TACR1: variants seen among roughly 807,000 people sequenced by gnomAD.
TACR1 encodes the protein tachykinin receptor 1.
Under a neutral mutation model 35.8 loss-of-function variants are expected in TACR1, and 25 were observed. The observed-to-expected ratio is 0.70, with a 90% confidence interval of 0.51 to 0.98. TACR1 has a LOEUF of 0.98. Among genes scored for constraint, TACR1 ranks in the 50% least tolerant of loss-of-function variants. The probability of loss-of-function intolerance (pLI) is 0.00; values close to 1 mark genes in which losing one functional copy is unlikely to be tolerated. For synonymous variants in TACR1, 195 were observed against 206.7 expected (o/e 0.94, Z 0.48); for missense variants, 478 against 522.9 (o/e 0.91, Z 0.84).
intron 2 of TACR1, among the ~76,000 whole-genome samples, chr2:75,115,443 G>T (rs567619857): frequency 6.6e-6 from 1 of 152,126 alleles, no homozygotes; most frequent in East Asian, 1.9e-4. Context: ...AAATTAAGAT[G>T]ATATAGTCTA....
At chr2:75,086,121 G>C (rs1439546302) in intron 2 of TACR1, among the ~76,000 whole-genome samples, 6 of 152,234 alleles carry the variant, frequency 3.9e-5, no homozygotes, top group African/African-American at 1.4e-4. Flanking sequence ...TGTTTGGGTT[G>C]AGGAGAGAGA....
In TACR1 at chr2:75,049,391, T is replaced by A. The variant is rs1672422397; in HGVS notation, c.*41A>T. 1 of 1,581,186 alleles carries A rather than the reference T, an allele frequency of 6.3e-7. No individual in the cohort carries two copies. Among genetic ancestry groups the A allele is most frequent in the African/African-American group, 1.3e-5 (1 of 74,144 alleles). ...ATTTCCATGCATGAAGGGAGGCAGG[T>A]CAAAGGCAGTGGGGGCTGCACCTGC... On this transcript the variant is annotated 3_prime_UTR_variant, in exon 5 of 5. Transcript: ENST00000305249.
Position 75,049,458 on chromosome 2 carries a change from T to G in TACR1, c.1198A>C (p.Ser400Arg). 2.5e-6 allele frequency: 4 copies of G among 1,613,932 alleles called. No homozygotes were observed. The highest frequency in any genetic ancestry group is 2.5e-6 in the Non-Finnish European group (3 of 1,179,812). ...TAGGAGAGCACATTGGAGGAGAAGC[T>G]GAAGCTCTCTGTCATGGTCTTGGAG... is the stretch of plus-strand genomic sequence containing the variant. Reference protein sequence around the residue: ...SDSKTMTESFSFSSNVLS With the variant: ...SDSKTMTESFRFSSNVLS Residue 400 changes from serine (S) to arginine (R), a missense_variant, in exon 5 of 5, where the codon AGC (serine) becomes CGC (arginine). Coordinates refer to ENST00000305249, the MANE Select transcript of TACR1 (RefSeq NM_001058.4).
At chr2:75,185,033 A>T (rs1212836522) in intron 1 of TACR1, among the ~76,000 whole-genome samples, 1 of 152,092 alleles carries the variant, frequency 6.6e-6, no homozygotes, top group East Asian at 1.9e-4. Flanking sequence ...ATCAGGAAGC[A>T]TATATGCATG....
intron 2 of TACR1, among the ~76,000 whole-genome samples, chr2:75,065,146 G>A (rs541295730): frequency 6.6e-6 from 1 of 152,282 alleles, no homozygotes; most frequent in African/African-American, 2.4e-5. Context: ...ATCTGCAGCC[G>A]GCACCTGGAC....
At chr2:75,184,801 G>A (rs1206603862) in intron 1 of TACR1, among the ~76,000 whole-genome samples, 1 of 151,392 alleles carries the variant, frequency 6.6e-6, no homozygotes, top group African/African-American at 2.4e-5. Flanking sequence ...TTTAAAAAAT[G>A]TGTGGGATCT....
intron 2 of TACR1, among the ~76,000 whole-genome samples, chr2:75,114,788 C>T (rs78958153): frequency 0.024 from 3,663 of 152,280 alleles, 148 homozygotes; most frequent in African/African-American, 0.082. Context: ...AGAGCAGCCA[C>T]GCTAAGCTGC....
chr2:75,094,103 A>C (rs1436531989), intron 2 of TACR1, among the ~76,000 whole-genome samples: 1 of 152,186 alleles, frequency 6.6e-6, no homozygotes, highest in Non-Finnish European at 1.5e-5. Context: ...ACCACATGCA[A>C]ATAGCTCTTG....
At chr2:75,169,469 A>G (rs951884310) in intron 1 of TACR1, among the ~76,000 whole-genome samples, 1 of 152,210 alleles carries the variant, frequency 6.6e-6, no homozygotes, top group African/African-American at 2.4e-5. Flanking sequence ...TAAAAATTCT[A>G]TATGGATTTT....
intron 2 of TACR1, among the ~76,000 whole-genome samples, chr2:75,065,145 C>G (rs939891554): frequency 6.6e-6 from 1 of 152,188 alleles, no homozygotes; most frequent in Non-Finnish European, 1.5e-5. Flanking sequence ...AATCTGCAGC[C>G]GGCACCTGGA....
chr2:75,052,034 G>T (rs1334245893), intron 3 of TACR1, among the ~76,000 whole-genome samples: 1 of 152,208 alleles, frequency 6.6e-6, no homozygotes, highest in Non-Finnish European at 1.5e-5. Context: ...ACTAGCTGCA[G>T]TCAGAGAGTG....
chr2:75,175,012 T>C (rs1249833261), intron 1 of TACR1, among the ~76,000 whole-genome samples: 1 of 152,220 alleles, frequency 6.6e-6, no homozygotes, highest in African/African-American at 2.4e-5. Context: ...TGAAATAATG[T>C]CTCCTTTGAG....
intron 1 of TACR1, among the ~76,000 whole-genome samples, chr2:75,171,134 A>T (rs191431064): frequency 6.6e-6 from 1 of 152,168 alleles, no homozygotes; most frequent in East Asian, 1.9e-4. Flanking sequence ...ACCTAGGAGG[A>T]AAAAATGGTT....
intron 1 of TACR1, chr2:75,188,375 C>T (rs2104073280): frequency 6.6e-6 from 1 of 152,310 alleles, no homozygotes; most frequent in East Asian, 1.9e-4. Context: ...ACTCAATGTG[C>T]ACATGAGGTT....
At chr2:75,169,238 C>T (rs1311789404) in intron 1 of TACR1, among the ~76,000 whole-genome samples, 2 of 152,126 alleles carry the variant, frequency 1.3e-5, no homozygotes, top group African/African-American at 4.8e-5. Context: ...TTACAATTCT[C>T]ATAATCACTT....
intron 2 of TACR1, among the ~76,000 whole-genome samples, chr2:75,103,468 C>A (rs149859848): frequency 4.7e-4 from 72 of 152,118 alleles, no homozygotes; most frequent in African/African-American, 1.6e-3. Flanking sequence ...AAAACTGGAA[C>A]AATTTGAGCA....
At chr2:75,126,480 C>A (rs1351284825) in intron 1 of TACR1, among the ~76,000 whole-genome samples, 1 of 152,092 alleles carries the variant, frequency 6.6e-6, no homozygotes, top group East Asian at 1.9e-4. Flanking sequence ...AATGGTAGTT[C>A]TGATTTTAGC....
intron 2 of TACR1, among the ~76,000 whole-genome samples, chr2:75,084,123 G>A (rs1045851857): frequency 1.5e-4 from 23 of 152,176 alleles, no homozygotes; most frequent in Non-Finnish European, 2.9e-4. Flanking sequence ...TTTATTGAGA[G>A]TTTTTAGCAT....
intron 1 of TACR1, among the ~76,000 whole-genome samples, chr2:75,161,716 T>G (rs1262328617): frequency 6.6e-6 from 1 of 152,104 alleles, no homozygotes; most frequent in East Asian, 1.9e-4. Flanking sequence ...TAGTCACTAT[T>G]ACATGAAACA....
Sources: allele counts gnomAD v4.1 joint callset (sites outside exome capture counted in the v4.1 genomes callset), GRCh38; gene constraint gnomAD v4.1.1; transcripts MANE v1.5; gene names NCBI Gene and HGNC (gene_info 2026-07-23, HGNC 2026-07-21).